The following CDK14 variants were observed in gnomAD, a reference collection of about 807,000 sequenced individuals.
CDK14 encodes the protein cyclin-dependent kinase 14.
In CDK14, 34 loss-of-function variants were observed where a neutral mutation model predicts 60.7. The observed-to-expected ratio is 0.56, with a 90% CI of 0.43 to 0.75. CDK14 has a LOEUF of 0.75. Among genes scored for constraint, CDK14 ranks in the 30% least tolerant of loss-of-function variants. The probability of loss-of-function intolerance (pLI) is 0.00; values close to 1 mark genes in which losing one functional copy is unlikely to be tolerated. For synonymous variants in CDK14, 197 were observed against 203.7 expected (o/e 0.97, Z 0.28); for missense variants, 482 against 564.1 (o/e 0.85, Z 1.47).
At chr7:91,184,596 G>C (rs1802113095) in intron 14 of CDK14, among the ~76,000 whole-genome samples, 1 of 152,208 alleles carries the variant, frequency 6.6e-6, no homozygotes, top group Non-Finnish European at 1.5e-5. Context: ...AGCATGTGAG[G>C]ACAAGAGGGA....
At chr7:90,772,780 T>G (rs1208557429) in intron 4 of CDK14, among the ~76,000 whole-genome samples, 2 of 152,304 alleles carry the variant, frequency 1.3e-5, no homozygotes, top group Middle Eastern at 3.4e-3. Flanking sequence ...AAGAACAGAC[T>G]AATACACTGG....
chr7:90,744,257 C>CTTG (rs1247627851), intron 3 of CDK14, among the ~76,000 whole-genome samples: 1 of 152,168 alleles, frequency 6.6e-6, no homozygotes, highest in Non-Finnish European at 1.5e-5. Context: ...CAAAGCACAT[C>CTTG]TTGCACTGCC....
chr7:91,112,133 T>C (rs1799482750), intron 12 of CDK14, among the ~76,000 whole-genome samples: 1 of 152,232 alleles, frequency 6.6e-6, no homozygotes, highest in African/African-American at 2.4e-5. Context: ...GAGAATTTAA[T>C]AGCAGTTTTA....
chr7:91,056,924 A>T (rs1282766082), intron 11 of CDK14, among the ~76,000 whole-genome samples: 2 of 152,140 alleles, frequency 1.3e-5, no homozygotes, highest in Non-Finnish European at 2.9e-5. Context: ...GTATATACCC[A>T]GTAATGGGAT....
At chr7:91,015,107 T>C (rs1331598835) in intron 10 of CDK14, among the ~76,000 whole-genome samples, 1 of 152,236 alleles carries the variant, frequency 6.6e-6, no homozygotes, top group African/African-American at 2.4e-5. Context: ...TTTGTGTTTT[T>C]GCTAATTTTT....
rs189671418 is a variant in CDK14, at chr7:90,782,523, G to A, written c.465-8050G>A. Among the ~76,000 whole-genome samples the A allele has an allele frequency of 5.0e-3, 754 of 152,152 alleles. 3 individuals are homozygous for A. The highest frequency in any genetic ancestry group is 0.014 in the Middle Eastern group (4 of 294). ...ACAAGTTGTCTAATTTGACAAATGG[G>A]AGCCTCTGGAATCTCTTTGACATGC... On this transcript the variant is annotated intron_variant, in intron 4 of 14. Transcript: ENST00000380050.
At chr7:90,969,409 C>T (rs1027174447) in intron 9 of CDK14, among the ~76,000 whole-genome samples, 1 of 152,146 alleles carries the variant, frequency 6.6e-6, no homozygotes, top group Admixed American at 6.5e-5. Flanking sequence ...TTTCTCTTCA[C>T]GATATGCCAC....
At chr7:90,662,799 A>ATTGCTTTTTCTC (rs1800891006) in intron 2 of CDK14, among the ~76,000 whole-genome samples, 1 of 152,142 alleles carries the variant, frequency 6.6e-6, no homozygotes, top group Non-Finnish European at 1.5e-5. Context: ...TCTTGCTTGT[A>ATTGCTTTTTCTC]TTGCTTTTTC....
chr7:90,711,692 G>A (rs992387768), intron 2 of CDK14, among the ~76,000 whole-genome samples: 1 of 152,016 alleles, frequency 6.6e-6, no homozygotes, highest in Non-Finnish European at 1.5e-5. Context: ...AAGAAGCTTA[G>A]ATATAGTTGT....
At chr7:90,599,918 T>C (rs1362092547) in intron 1 of CDK14, among the ~76,000 whole-genome samples, 1 of 152,240 alleles carries the variant, frequency 6.6e-6, no homozygotes, top group Non-Finnish European at 1.5e-5. Flanking sequence ...TTAATAATAA[T>C]AATTCTAAAT....
At position 90,816,675 on chromosome 7, in the gene CDK14, CA is replaced by C. The variant is rs1789369836; in HGVS notation, c.544+26024del. Among the ~76,000 whole-genome samples, 3 of 152,090 alleles carry C rather than the reference CA, an allele frequency of 2.0e-5. No homozygotes were observed. In the South Asian group the frequency reaches 6.2e-4, roughly 32 times the overall value. On this transcript the variant is annotated intron_variant, in intron 5 of 14. Transcript: ENST00000380050. ...ATTCTGAGAAAGATTTGAGTATCTT[CA>C]GCGAGGGTGAGTTTGAGGTTGATAG...
At chr7:90,733,595 A>G (rs539780718) in intron 3 of CDK14, among the ~76,000 whole-genome samples, 1 of 151,930 alleles carries the variant, frequency 6.6e-6, no homozygotes, top group South Asian at 2.1e-4. Context: ...TTTCTTTTTA[A>G]CTTTGTTGGT....
At chr7:90,867,064 A>G (rs896753391) in intron 6 of CDK14, among the ~76,000 whole-genome samples, 2 of 152,142 alleles carry the variant, frequency 1.3e-5, no homozygotes, top group Non-Finnish European at 2.9e-5. Context: ...GGTTTTGAGT[A>G]CAGTTATTTC....
chr7:91,171,788 A>G (rs913872015), intron 14 of CDK14, among the ~76,000 whole-genome samples: 1 of 152,128 alleles, frequency 6.6e-6, no homozygotes, highest in African/African-American at 2.4e-5. Context: ...CTGGGACCAC[A>G]GGGATGCACC....
chr7:90,858,824 A>G (rs183425497), intron 5 of CDK14, among the ~76,000 whole-genome samples: 21 of 152,336 alleles, frequency 1.4e-4, no homozygotes, highest in Non-Finnish European at 2.8e-4. Context: ...TAGCTACCTA[A>G]TAAAGTTTTA....
At chr7:90,874,033 T>C (rs1459597890) in intron 6 of CDK14, among the ~76,000 whole-genome samples, 2 of 152,216 alleles carry the variant, frequency 1.3e-5, no homozygotes, top group Non-Finnish European at 2.9e-5. Context: ...CTGGAATTAA[T>C]ATTAATTTTC....
chr7:91,111,790 G>A (rs1388121014), intron 12 of CDK14, among the ~76,000 whole-genome samples: 1 of 152,202 alleles, frequency 6.6e-6, no homozygotes, highest in Non-Finnish European at 1.5e-5. Flanking sequence ...ATCCAGGCTT[G>A]ATTGCTCTGA....
intron 11 of CDK14, among the ~76,000 whole-genome samples, chr7:91,066,922 G>A (rs1798001183): frequency 1.3e-5 from 2 of 152,200 alleles, no homozygotes; most frequent in Admixed American, 6.5e-5. Flanking sequence ...CAGCCTGCAG[G>A]TTCAAATTAA....
At chr7:90,641,650 G>A (rs1259246529) in intron 2 of CDK14, among the ~76,000 whole-genome samples, 1 of 151,898 alleles carries the variant, frequency 6.6e-6, no homozygotes, top group Non-Finnish European at 1.5e-5. Flanking sequence ...AGATGATGGG[G>A]TGGGGTGGGG....
Sources: allele counts gnomAD v4.1 joint callset (sites outside exome capture counted in the v4.1 genomes callset), GRCh38; gene constraint gnomAD v4.1.1; transcripts MANE v1.5; gene names NCBI Gene and HGNC (gene_info 2026-07-23, HGNC 2026-07-21).